The following HMCN1 variants were observed in gnomAD, a reference collection of about 807,000 sequenced individuals.
HMCN1 encodes hemicentin 1, also known as hemicentin-1.
HMCN1 carries 321 observed loss-of-function variants against 625.9 expected under a neutral mutation model. The observed-to-expected ratio is 0.51, with a 90% CI of 0.47 to 0.56. The LOEUF is 0.56. Among genes scored for constraint, HMCN1 ranks in the 20% least tolerant of loss-of-function variants. HMCN1 has a pLI of 0.00. For missense variants in HMCN1, 6,588 were observed against 6,887.3 expected (o/e 0.96, Z 1.54); for synonymous variants, 2,425 against 2,417.6 (o/e 1.00, Z -0.09).
In HMCN1 at chr1:186,154,526, A is replaced by G. The variant is rs190417495; in HGVS notation, c.15256+539A>G. Among the ~76,000 whole-genome samples, 168 of 152,356 alleles carry G rather than the reference A, an allele frequency of 1.1e-3. 2 individuals carry two copies. Among genetic ancestry groups the G allele is most frequent in the East Asian group, 5.6e-3 (29 of 5,184 alleles). ...AACAAAGAGCAAAACTCCATCTCCA[A>G]GCAAAGAAAAACATACAATGTGTCC... On this transcript the variant is annotated intron_variant, in intron 97 of 106. Coordinates refer to ENST00000271588, the MANE Select transcript of HMCN1 (RefSeq NM_031935.3).
chr1:186,072,458 G>T (rs1333419113), intron 52 of HMCN1, among the ~76,000 whole-genome samples: 1 of 152,018 alleles, frequency 6.6e-6, no homozygotes, highest in Admixed American at 6.6e-5. Context: ...TTAAATGCAG[G>T]GAATACAGCT....
rs751353024 is a variant in HMCN1 at position 186,023,085 on chromosome 1, G to C, written c.5681G>C (p.Gly1894Ala). ...QIAKTLLEDA[G>A]RYTCVATNAA... ...GCCAAAACCCTGTTGGAAGATGCTGGCAGATACACATGTGTGGCTACCAAC... is the reference window on the plus strand; with the variant it reads ...GCCAAAACCCTGTTGGAAGATGCTGCCAGATACACATGTGTGGCTACCAAC... The change falls in exon 36 of 107, where the codon GGC (glycine) becomes GCC (alanine). Residue 1894 changes from glycine to alanine, a missense_variant. Transcript: ENST00000271588. 6.2e-7 allele frequency: 1 copy of C among 1,613,260 alleles called. No individual in the cohort carries two copies. Among genetic ancestry groups the C allele is most frequent in the Non-Finnish European group, 8.5e-7 (1 of 1,179,438 alleles).
At chr1:185,949,047 G>A (rs1320891570) in intron 11 of HMCN1, among the ~76,000 whole-genome samples, 1 of 151,812 alleles carries the variant, frequency 6.6e-6, no homozygotes, top group Non-Finnish European at 1.5e-5. Flanking sequence ...GGTATAAAAG[G>A]TCTAAGAATT....
intron 2 of HMCN1, among the ~76,000 whole-genome samples, chr1:185,862,163 GA>G (rs1662912896): frequency 6.6e-6 from 1 of 151,814 alleles, no homozygotes; most frequent in African/African-American, 2.4e-5. Flanking sequence ...GCAATTTGTG[GA>G]GAAGGAGCAA....
intron 1 of HMCN1, among the ~76,000 whole-genome samples, chr1:185,801,028 CA>C (rs1395679292): frequency 6.6e-6 from 1 of 151,952 alleles, no homozygotes; most frequent in African/African-American, 2.4e-5. Flanking sequence ...CATCTAAAAA[CA>C]AAACAAAACT....
chr1:185,841,244 A>C (rs1007163414), intron 1 of HMCN1, among the ~76,000 whole-genome samples: 3 of 152,204 alleles, frequency 2.0e-5, no homozygotes, highest in Non-Finnish European at 4.4e-5. Context: ...TTCAGACATT[A>C]GTTTTTTAAA....
chr1:186,022,763 A>G (rs999354347), intron 35 of HMCN1, among the ~76,000 whole-genome samples: 1 of 151,978 alleles, frequency 6.6e-6, no homozygotes, highest in African/African-American at 2.4e-5. Context: ...AAAGTCTTTT[A>G]TTCAGTATGA....
chr1:185,896,598 A>C (rs1196516460), intron 4 of HMCN1, among the ~76,000 whole-genome samples: 1 of 152,240 alleles, frequency 6.6e-6, no homozygotes, highest in African/African-American at 2.4e-5. Context: ...AATATAAAAT[A>C]ATGTATTTCA....
At chr1:185,855,192 C>G (rs1178696681) in intron 2 of HMCN1, among the ~76,000 whole-genome samples, 1 of 152,130 alleles carries the variant, frequency 6.6e-6, no homozygotes, top group Non-Finnish European at 1.5e-5. Context: ...GCTCTTGCTC[C>G]CTAAGCAAAC....
intron 97 of HMCN1, among the ~76,000 whole-genome samples, chr1:186,163,335 G>T (rs1366444248): frequency 6.6e-6 from 1 of 152,200 alleles, no homozygotes; most frequent in East Asian, 1.9e-4. Flanking sequence ...CTAGGAACGG[G>T]AACTCCCTGA....
rs762581029 is a variant in HMCN1, at chr1:186,061,943, A to G, written c.7405A>G (p.Ile2469Val). 1 of 1,609,988 alleles carries G rather than the reference A, an allele frequency of 6.2e-7. No homozygotes were observed. The highest frequency in any genetic ancestry group is 1.3e-5 in the African/African-American group (1 of 74,794). The change falls in exon 47 of 107, where the codon ATC becomes GTC. Residue 2469 changes from isoleucine (I) to valine (V), a missense_variant. Transcript: ENST00000271588. ...VRNAAGEERK[I>V]FGLSVLVPPH... ...GAATGCAGCTGGTGAAGAAAGAAAAATCTTTGGGCTTTCAGTATTAGGTAC... is the reference window on the plus strand; with the variant it reads ...GAATGCAGCTGGTGAAGAAAGAAAAGTCTTTGGGCTTTCAGTATTAGGTAC...
At chr1:185,810,311 A>C (rs1326794384) in intron 1 of HMCN1, among the ~76,000 whole-genome samples, 1 of 152,142 alleles carries the variant, frequency 6.6e-6, no homozygotes, top group Non-Finnish European at 1.5e-5. Context: ...TGTATTTTGC[A>C]TACAGACCCT....
intron 105 of HMCN1, among the ~76,000 whole-genome samples, chr1:186,185,153 A>G (rs1335535248): frequency 1.3e-5 from 2 of 152,220 alleles, no homozygotes; most frequent in Non-Finnish European, 2.9e-5. Flanking sequence ...ATATATCATA[A>G]GGTAACTACT....
At chr1:185,984,147 T>A in intron 18 of HMCN1, 22 bp from the exon 19 acceptor site, 1 of 1,604,086 alleles carries the variant, frequency 6.2e-7, no homozygotes, top group Non-Finnish European at 8.5e-7. Flanking sequence ...TAAATAAAAA[T>A]TACCTTTTTT....
At chr1:185,947,358 T>C (rs908682178) in intron 11 of HMCN1, among the ~76,000 whole-genome samples, 4 of 152,162 alleles carry the variant, frequency 2.6e-5, no homozygotes, top group African/African-American at 7.2e-5. Flanking sequence ...ATTTGTAAAT[T>C]TGAATTTAAG....
chr1:185,804,725 T>C (rs758695093), intron 1 of HMCN1, among the ~76,000 whole-genome samples: 2 of 152,136 alleles, frequency 1.3e-5, no homozygotes, highest in Non-Finnish European at 2.9e-5. Context: ...CTTAAATGTG[T>C]CCTTACTTTG....
At chr1:186,073,960 A>G (rs759365016) in intron 52 of HMCN1, among the ~76,000 whole-genome samples, 40 of 152,030 alleles carry the variant, frequency 2.6e-4, no homozygotes, top group Non-Finnish European at 4.9e-4. Context: ...AAGAAAATTA[A>G]AAGAAGGAGA....
At chr1:186,178,873 A>G in intron 104 of HMCN1, 107 bp downstream of exon 104, 1 of 835,656 alleles carries the variant, frequency 1.2e-6, no homozygotes, top group Non-Finnish European at 2.1e-6. Context: ...ATCTGATCTC[A>G]AGTTCGGAAT....
Position 185,933,513 on chromosome 1 carries a change from T to C in HMCN1, c.1553-36T>C, listed in dbSNP as rs200011946. On this transcript the variant is annotated intron_variant, in intron 10 of 106. Coordinates refer to ENST00000271588, the MANE Select transcript of HMCN1 (RefSeq NM_031935.3). Reference sequence around the variant, plus strand: ...ATCTGTAAGTGAGCAAAATGGCTTTTAGGTCTCTTGATTTGAATTTTTTGA... The same window carrying C: ...ATCTGTAAGTGAGCAAAATGGCTTTCAGGTCTCTTGATTTGAATTTTTTGA... 1.3e-4 allele frequency: 212 copies of C among 1,612,880 alleles called. No homozygotes were observed. The Middle Eastern group carries it at 1.4e-3, about 10-fold the overall frequency.
Sources: gnomAD v4.1 joint callset for allele counts (sites outside exome capture counted in the v4.1 genomes callset) on GRCh38, gnomAD v4.1.1 for gene constraint, MANE v1.5 for transcripts, NCBI Gene and HGNC (gene_info 2026-07-23, HGNC 2026-07-21) for gene names.